Variants in ZCCHC7 observed in about 807,000 individuals in gnomAD.
ZCCHC7 encodes zinc finger CCHC domain-containing protein 7.
A neutral mutation model predicts 52.0 loss-of-function variants in ZCCHC7; 35 were observed. That is an observed-to-expected ratio of 0.67 (90% CI 0.51 to 0.89). ZCCHC7 has a LOEUF of 0.89. Ranked by LOEUF, ZCCHC7 falls within the 40% of genes least tolerant of loss-of-function variation. The pLI, the probability that ZCCHC7 is intolerant of heterozygous loss-of-function variation, is 0.00. For synonymous variants in ZCCHC7, 217 were observed against 221.5 expected (o/e 0.98, Z 0.18); for missense variants, 574 against 649.1 (o/e 0.88, Z 1.26).
intron 2 of ZCCHC7, among the ~76,000 whole-genome samples, chr9:37,160,883 T>C (rs956793839): frequency 1.3e-5 from 2 of 151,508 alleles, no homozygotes; most frequent in Non-Finnish European, 2.9e-5. Flanking sequence ...CGAAACTCCA[T>C]CTCAAAAAAA....
chr9:37,153,628 C>T (rs7042443), intron 2 of ZCCHC7, among the ~76,000 whole-genome samples: 83,735 of 149,524 alleles, frequency 0.56, 23,762 homozygotes, highest in African/African-American at 0.69. Context: ...TTCTTTCTTT[C>T]TTTTTTTTTT....
chr9:37,177,235 TGAG>T (rs1304591709), intron 2 of ZCCHC7, among the ~76,000 whole-genome samples: 1 of 152,106 alleles, frequency 6.6e-6, no homozygotes. Flanking sequence ...CTTGAGAGGC[TGAG>T]ACAGGAGAAT....
chr9:37,243,857 T>C (rs1386269507), intron 2 of ZCCHC7, among the ~76,000 whole-genome samples: 5 of 151,870 alleles, frequency 3.3e-5, no homozygotes, highest in African/African-American at 7.2e-5. Flanking sequence ...GGTGTTTTCA[T>C]TGGTTAATTC....
At chr9:37,290,244 G>A (rs1055526469) in intron 2 of ZCCHC7, among the ~76,000 whole-genome samples, 1 of 152,174 alleles carries the variant, frequency 6.6e-6, no homozygotes, top group Non-Finnish European at 1.5e-5. Context: ...AATAATAAAC[G>A]AATGGTAAAT....
intron 2 of ZCCHC7, among the ~76,000 whole-genome samples, chr9:37,170,858 C>T (rs1821689972): frequency 6.6e-6 from 1 of 152,132 alleles, no homozygotes; most frequent in African/African-American, 2.4e-5. Context: ...TAAAATGGTG[C>T]TACTTCCAAT....
chr9:37,352,682 ATTTT>A (rs34360630), intron 7 of ZCCHC7, among the ~76,000 whole-genome samples: 1 of 136,754 alleles, frequency 7.3e-6, no homozygotes, highest in Non-Finnish European at 1.6e-5. Flanking sequence ...ACACCTGGCT[ATTTT>A]TTTTTTTTTT....
chr9:37,217,187 A>C (rs79909950), intron 2 of ZCCHC7, among the ~76,000 whole-genome samples: 15,296 of 152,134 alleles, frequency 0.1, 1,025 homozygotes, highest in Middle Eastern at 0.17. Flanking sequence ...TAATACTAAA[A>C]TAATGTGTTT....
At chr9:37,172,709 TAGAG>T (rs994587419) in intron 2 of ZCCHC7, among the ~76,000 whole-genome samples, 22 of 151,706 alleles carry the variant, frequency 1.5e-4, no homozygotes, top group Admixed American at 9.2e-4. Flanking sequence ...GGCATTCCAA[TAGAG>T]AGACTTCAGT....
chr9:37,148,714 C>CT (rs976878882), intron 2 of ZCCHC7, among the ~76,000 whole-genome samples: 150 of 151,244 alleles, frequency 9.9e-4, no homozygotes, highest in African/African-American at 3.5e-3. Context: ...TTCAAGAGAA[C>CT]TTTTTTTTTA....
intron 2 of ZCCHC7, among the ~76,000 whole-genome samples, chr9:37,274,607 GGGATTAC>G (rs1193297877): frequency 6.6e-6 from 1 of 151,914 alleles, no homozygotes; most frequent in Non-Finnish European, 1.5e-5. Flanking sequence ...CCAAAGTGTT[GGGATTAC>G]AGGCATGAGC....
At chr9:37,199,327 C>CT (rs57881366) in intron 2 of ZCCHC7, among the ~76,000 whole-genome samples, 17,085 of 129,678 alleles carry the variant, frequency 0.13, 1,337 homozygotes, top group Non-Finnish European at 0.17. Flanking sequence ...TTTCTTTCTT[C>CT]TTTTTTTTTT....
chr9:37,148,953 A>AGTTT (rs1564142073), intron 2 of ZCCHC7, among the ~76,000 whole-genome samples: 13 of 152,126 alleles, frequency 8.5e-5, no homozygotes. Context: ...GAATGGGCAC[A>AGTTT]GTTTGTTTGA....
chr9:37,250,750 A>G (rs1826292187), intron 2 of ZCCHC7, among the ~76,000 whole-genome samples: 1 of 152,148 alleles, frequency 6.6e-6, no homozygotes, highest in African/African-American at 2.4e-5. Flanking sequence ...TTAATGTTTC[A>G]AGGTATATTA....
chr9:37,294,461 A>G (rs1454543787), intron 2 of ZCCHC7, among the ~76,000 whole-genome samples: 2 of 152,198 alleles, frequency 1.3e-5, no homozygotes, highest in African/African-American at 2.4e-5. Context: ...ATAAACATGC[A>G]ATTATCTTAT....
At chr9:37,211,995 C>G (rs1023072507) in intron 2 of ZCCHC7, among the ~76,000 whole-genome samples, 7 of 131,218 alleles carry the variant, frequency 5.3e-5, no homozygotes, top group African/African-American at 1.2e-4. Flanking sequence ...CCACTGCACT[C>G]CAGCCTGGGT....
intron 2 of ZCCHC7, among the ~76,000 whole-genome samples, chr9:37,204,053 G>C (rs1032893022): frequency 6.6e-6 from 1 of 152,188 alleles, no homozygotes; most frequent in African/African-American, 2.4e-5. Flanking sequence ...TTTCTCTGAT[G>C]ATCAGTGATG....
Position 37,304,171 on chromosome 9 carries a change from A to ATTTTTTTT in ZCCHC7, c.655-15_655-8dup. On this transcript the variant is annotated splice_polypyrimidine_tract_variant and intron_variant, in intron 3 of 8. Transcript: ENST00000336755. ...AGTGAAACAATTTTTTTAATTCTTGATTTTTTTTTCCCTTAGGCCCAGATA... is the reference window on the plus strand; with the variant it reads ...AGTGAAACAATTTTTTTAATTCTTGATTTTTTTTTTTTTTTTTCCCTTAGGCCCAGATA... 4 of 1,536,130 alleles carry ATTTTTTTT rather than the reference A, an allele frequency of 2.6e-6. No homozygotes were observed. The highest frequency in any genetic ancestry group is 4.0e-5 in the Admixed American group (2 of 49,728).
At chr9:37,301,999 C>T in intron 2 of ZCCHC7, among the ~76,000 whole-genome samples, 189 bp from the exon 3 acceptor site, 1 of 152,146 alleles carries the variant, frequency 6.6e-6, no homozygotes, top group African/African-American at 2.4e-5. Flanking sequence ...AACTGAGACT[C>T]AGAGAGGTTA....
At chr9:37,214,221 A>G (rs1388219171) in intron 2 of ZCCHC7, among the ~76,000 whole-genome samples, 1 of 152,104 alleles carries the variant, frequency 6.6e-6, no homozygotes, top group Non-Finnish European at 1.5e-5. Flanking sequence ...ATTTGAGTAT[A>G]CTATGTAAGT....
Sources: allele counts gnomAD v4.1 joint callset (sites outside exome capture counted in the v4.1 genomes callset), GRCh38; gene constraint gnomAD v4.1.1; transcripts MANE v1.5; gene names NCBI Gene and HGNC (gene_info 2026-07-23, HGNC 2026-07-21).